TEX264: variants seen among roughly 807,000 people sequenced by gnomAD.
The protein encoded by TEX264 is testis-expressed protein 264.
Under a neutral mutation model 23.4 loss-of-function variants are expected in TEX264, and 13 were observed. The ratio of observed to expected loss-of-function variants is 0.56; its 90% confidence interval spans 0.36 to 0.88. The LOEUF is 0.88. TEX264 is among the 40% of genes least tolerant of loss of function. TEX264 has a pLI of 0.01. For missense variants in TEX264, 340 were observed against 406.8 expected (o/e 0.84, Z 1.41); for synonymous variants, 159 against 170.0 (o/e 0.94, Z 0.50).
chr3:51,676,904 C>T (rs1158025319), intron 2 of TEX264, among the ~76,000 whole-genome samples: 2 of 152,238 alleles, frequency 1.3e-5, no homozygotes, highest in Non-Finnish European at 2.9e-5. Flanking sequence ...CTGCCCATCC[C>T]AGTCCTGGGT....
At chr3:51,701,811 T>C (rs112812017) in intron 4 of TEX264, among the ~76,000 whole-genome samples, 3,715 of 152,038 alleles carry the variant, frequency 0.024, 74 homozygotes, top group Non-Finnish European at 0.032. Flanking sequence ...TTTGTATTTT[T>C]AGTAGAGATG....
chr3:51,700,014 G>T (rs1400709311), intron 4 of TEX264, among the ~76,000 whole-genome samples: 2 of 152,078 alleles, frequency 1.3e-5, no homozygotes, highest in African/African-American at 4.8e-5. Context: ...CCTCAGTACG[G>T]GCCCCACCCA....
At chr3:51,673,217 G>A (rs1024306359) in intron 1 of TEX264, among the ~76,000 whole-genome samples, 2 of 152,128 alleles carry the variant, frequency 1.3e-5, no homozygotes, top group Non-Finnish European at 2.9e-5. Context: ...AATAATTGGG[G>A]TGGGAATGTC....
chr3:51,687,808 C>G (rs1702680891), intron 3 of TEX264, among the ~76,000 whole-genome samples: 1 of 152,100 alleles, frequency 6.6e-6, no homozygotes, highest in African/African-American at 2.4e-5. Context: ...TGTGCCTGAG[C>G]CTGGAACAGG....
chr3:51,678,567 T>G (rs1328983570), intron 2 of TEX264, among the ~76,000 whole-genome samples: 1 of 152,166 alleles, frequency 6.6e-6, no homozygotes, highest in Non-Finnish European at 1.5e-5. Flanking sequence ...GGAGGTGGTG[T>G]TTGCTCCAGG....
At chr3:51,690,782 G>T (rs1385999025) in intron 3 of TEX264, among the ~76,000 whole-genome samples, 2 of 152,168 alleles carry the variant, frequency 1.3e-5, no homozygotes, top group African/African-American at 2.4e-5. Flanking sequence ...GGAGGAACCA[G>T]CTAGGAGGCG....
In TEX264 at chr3:51,703,081, T is replaced by A. The variant is rs1244590277; in HGVS notation, c.650-643T>A. ...TGTTTCATCCCAGCACCCTCCTCCT[T>A]GCAGCTGGTTGAGTATTTCTCAGGC... On this transcript the variant is annotated intron_variant, in intron 4 of 4. Coordinates refer to ENST00000341333, the MANE Select transcript of TEX264 (RefSeq NM_015926.6). The surrounding 1 kb of genome is among the most constrained non-coding windows in gnomAD (Gnocchi z 4.8). Among the ~76,000 whole-genome samples, 2 of 152,156 alleles carry A rather than the reference T, an allele frequency of 1.3e-5. No individual in the cohort carries two copies. The highest frequency in any genetic ancestry group is 1.3e-4 in the Admixed American group (2 of 15,282).
At position 51,691,271 on chromosome 3, in the gene TEX264, C is replaced by T. The variant is rs186106621; in HGVS notation, c.480+6637C>T. ...GTCCACACCCTCAGTGAGGCAGAGG[C>T]GGTTCTATTCCCAGGCTTCCCTCCC... is the stretch of plus-strand genomic sequence containing the variant. On this transcript the variant is annotated intron_variant, in intron 3 of 4. Coordinates refer to ENST00000341333, the MANE Select transcript of TEX264 (RefSeq NM_015926.6). This position sits in a 1 kb window ranked among gnomAD's most constrained non-coding sequence, Gnocchi z 4.4. 6.2e-4 allele frequency among the ~76,000 whole-genome samples: 95 copies of T among 152,312 alleles called. No homozygotes were observed. Among genetic ancestry groups the T allele is most frequent in the African/African-American group, 1.6e-3 (68 of 41,570 alleles).
chr3:51,701,644 T>A (rs1703309100), intron 4 of TEX264, among the ~76,000 whole-genome samples: 1 of 152,012 alleles, frequency 6.6e-6, no homozygotes. Flanking sequence ...TTTGTTTGTT[T>A]GTTTTTAAAG....
chr3:51,674,045 A>G (rs1446046050), intron 1 of TEX264, among the ~76,000 whole-genome samples: 1 of 152,168 alleles, frequency 6.6e-6, no homozygotes, highest in Non-Finnish European at 1.5e-5. Context: ...AGCTGCTCTG[A>G]GATCCTCACC....
intron 2 of TEX264, among the ~76,000 whole-genome samples, chr3:51,675,984 C>T (rs184523129): frequency 6.6e-6 from 1 of 152,128 alleles, no homozygotes; most frequent in East Asian, 1.9e-4. Flanking sequence ...GGCAGGAGGC[C>T]GTAGAAGAGA....
intron 2 of TEX264, chr3:51,684,207 G>T: frequency 1.7e-6 from 1 of 590,890 alleles, no homozygotes; most frequent in Non-Finnish European, 3.0e-6. Flanking sequence ...AGGAATAGAT[G>T]AGAGTCCTGT....
chr3:51,699,302 C>T (rs1316352945), intron 3 of TEX264, 104 bp from the exon 4 acceptor site: 3 of 1,242,222 alleles, frequency 2.4e-6, no homozygotes, highest in African/African-American at 3.0e-5. Context: ...GCAGAGCCAG[C>T]CCCTGGGACA....
rs982437094 is a variant in TEX264 at position 51,703,259 on chromosome 3, G to A, written c.650-465G>A. Among the ~76,000 whole-genome samples, 1 of 152,142 alleles carries A rather than the reference G, an allele frequency of 6.6e-6. No individual in the cohort carries two copies. The highest frequency in any genetic ancestry group is 6.5e-5 in the Admixed American group (1 of 15,270). ...CCTCCTGCTGCATTCTGCAGTCCTCGTGCCCTGTGGGTGATGTTCTGTAGC... is the reference window on the plus strand; with the variant it reads ...CCTCCTGCTGCATTCTGCAGTCCTCATGCCCTGTGGGTGATGTTCTGTAGC... On this transcript the variant is annotated intron_variant, in intron 4 of 4. Coordinates refer to ENST00000341333, the MANE Select transcript of TEX264 (RefSeq NM_015926.6). The surrounding 1 kb of genome is among the most constrained non-coding windows in gnomAD (Gnocchi z 4.8).
At chr3:51,689,299 G>T in intron 3 of TEX264, among the ~76,000 whole-genome samples, 1 of 151,760 alleles carries the variant, frequency 6.6e-6, no homozygotes, top group East Asian at 1.9e-4. Context: ...GCGTGGTGGC[G>T]TGCACCTGTG....
chr3:51,689,335 C>T (rs931456621), intron 3 of TEX264, among the ~76,000 whole-genome samples: 2 of 151,398 alleles, frequency 1.3e-5, no homozygotes, highest in African/African-American at 2.4e-5. Flanking sequence ...GAGGCTGAGA[C>T]AGGAGAATTG....
In TEX264 at chr3:51,703,180, G is replaced by A. The variant is rs377016564; in HGVS notation, c.650-544G>A. Among the ~76,000 whole-genome samples, 9 of 152,342 alleles carry A rather than the reference G, an allele frequency of 5.9e-5. No individual in the cohort carries two copies. The East Asian group carries it at 1.5e-3, about 26-fold the overall frequency. ...TGTGTACCAGAGGCAGGGGCCTGCT[G>A]ACTCCCTGGATGCTGCTCCTGGGAG... On this transcript the variant is annotated intron_variant, in intron 4 of 4. Coordinates refer to ENST00000341333, the MANE Select transcript of TEX264 (RefSeq NM_015926.6). This position sits in a 1 kb window ranked among gnomAD's most constrained non-coding sequence, Gnocchi z 4.8.
intron 3 of TEX264, among the ~76,000 whole-genome samples, chr3:51,697,100 C>CG (rs1703090208): frequency 6.6e-6 from 1 of 152,214 alleles, no homozygotes; most frequent in African/African-American, 2.4e-5. Context: ...ATGAAGGCGA[C>CG]GGCAAGGATG....
intron 3 of TEX264, among the ~76,000 whole-genome samples, chr3:51,693,445 C>G (rs1435902895): frequency 6.6e-6 from 1 of 151,786 alleles, no homozygotes; most frequent in Non-Finnish European, 1.5e-5. Context: ...GACCTAACCC[C>G]AAGAGGGCCA....
Sources: gnomAD v4.1 joint callset for allele counts (sites outside exome capture counted in the v4.1 genomes callset) on GRCh38, gnomAD v4.1.1 for gene constraint, Gnocchi (gnomAD v3.1) non-coding constraint, MANE v1.5 for transcripts, NCBI Gene and HGNC (gene_info 2026-07-23, HGNC 2026-07-21) for gene names.